The following ZNF777 variants were observed in gnomAD, a reference collection of about 807,000 sequenced individuals.
ZNF777 encodes the protein zinc finger protein 777.
In ZNF777, 7 loss-of-function variants were observed where a neutral mutation model predicts 72.1. That is an observed-to-expected ratio of 0.10 (90% CI 0.06 to 0.18). The LOEUF is 0.18. ZNF777 is among the 10% of genes least tolerant of loss of function. ZNF777 has a pLI of 1.00. For missense variants in ZNF777, 828 were observed against 1,128.6 expected (o/e 0.73, Z 3.82); for synonymous variants, 545 against 483.5 (o/e 1.13, Z -1.67).
chr7:149,442,618 TA>T (rs552079135), intron 4 of ZNF777, among the ~76,000 whole-genome samples: 345 of 125,826 alleles, frequency 2.7e-3, no homozygotes, highest in Admixed American at 2.8e-3. Flanking sequence ...AGACTCTGTC[TA>T]AAAAAAAAAA....
chr7:149,431,746 C>G lies in ZNF777; in HGVS notation c.*30G>C. On this transcript the variant is annotated 3_prime_UTR_variant, in exon 6 of 6. Coordinates refer to ENST00000247930, the MANE Select transcript of ZNF777 (RefSeq NM_015694.3). Reference sequence around the variant, plus strand: ...CCGAGGGGGGGCACGGCCCGCGCACCTGGCCGGGCGGCGGCGGCGGGGCGC... The same window carrying G: ...CCGAGGGGGGGCACGGCCCGCGCACGTGGCCGGGCGGCGGCGGCGGGGCGC... 1.4e-6 allele frequency: 2 copies of G among 1,401,944 alleles called. No homozygotes were observed. The highest frequency in any genetic ancestry group is 9.2e-7 in the Non-Finnish European group (1 of 1,086,192). The allele number at this position is 1,401,944 out of a possible 1,614,324, so 86.8% of individuals were successfully genotyped here.
rs1225852234 is a variant in ZNF777 at position 149,431,922 on chromosome 7, C to T, written c.2350G>A (p.Gly784Ser). ...GERPYHCAEC[G>S]KRFTQKHHLL... is the part of the protein sequence containing the mutation. ...TGATGCTTCTGCGTGAAGCGCTTGC[C>T]GCACTCGGCGCAGTGGTAGGGCCGC... is the stretch of plus-strand genomic sequence containing the variant. Residue 784 changes from glycine to serine, a missense_variant, in exon 6 of 6, where the codon GGC (glycine) becomes AGC (serine). Physicochemically the swap from Gly to Ser is moderately conservative, Grantham distance 56. Coordinates refer to ENST00000247930, the MANE Select transcript of ZNF777 (RefSeq NM_015694.3). The T allele has an allele frequency of 1.2e-6, 2 of 1,609,506 alleles. No homozygotes were observed. The highest frequency in any genetic ancestry group is 3.3e-5 in the Admixed American group (2 of 59,954).
chr7:149,437,160 G>A (rs775062637), intron 4 of ZNF777, among the ~76,000 whole-genome samples: 8 of 152,040 alleles, frequency 5.3e-5, no homozygotes, highest in Non-Finnish European at 8.8e-5. Flanking sequence ...ACCCAGGCTC[G>A]AGTGCTGTGG....
rs1048423730 is a variant in ZNF777, at chr7:149,431,369, T to C, written c.*407A>G. 3 of 367,400 alleles carry C rather than the reference T, an allele frequency of 8.2e-6. No homozygotes were observed. Among genetic ancestry groups the C allele is most frequent in the Non-Finnish European group, 1.6e-5 (3 of 192,536 alleles). 22.8% of individuals were successfully genotyped at this position (367,400 alleles called of 1,614,324 possible). Reference sequence around the variant, plus strand: ...CGGCAAACAGGAAACGCTCTTCTTTTAAAAATTACTCTATTATTATCAAAT... The same window carrying C: ...CGGCAAACAGGAAACGCTCTTCTTTCAAAAATTACTCTATTATTATCAAAT... On this transcript the variant is annotated 3_prime_UTR_variant, in exon 6 of 6. Transcript: ENST00000247930.
At chr7:149,449,371 C>A (rs564847589) in intron 4 of ZNF777, among the ~76,000 whole-genome samples, 1 of 152,136 alleles carries the variant, frequency 6.6e-6, no homozygotes, top group African/African-American at 2.4e-5. Context: ...AGCCCAGGAC[C>A]GAATGGATTT....
At chr7:149,444,666 A>G (rs6976061) in intron 4 of ZNF777, among the ~76,000 whole-genome samples, 62,349 of 152,084 alleles carry the variant, frequency 0.41, 12,879 homozygotes, top group Non-Finnish European at 0.44. Context: ...ATTGAATTAT[A>G]AGTTGGAAAA....
intron 3 of ZNF777, among the ~76,000 whole-genome samples, chr7:149,452,123 G>A (rs1018807326): frequency 6.6e-6 from 1 of 151,376 alleles, no homozygotes; most frequent in Non-Finnish European, 1.5e-5. Flanking sequence ...AAATTAGCTG[G>A]GCACGGTGGT....
chr7:149,434,193 C>T (rs945119983), intron 5 of ZNF777, among the ~76,000 whole-genome samples: 1 of 152,176 alleles, frequency 6.6e-6, no homozygotes, highest in Admixed American at 6.5e-5. Context: ...CAGGTTGGGA[C>T]CCACCTGGTC....
At chr7:149,448,853 A>C (rs564112913) in intron 4 of ZNF777, among the ~76,000 whole-genome samples, 1 of 152,130 alleles carries the variant, frequency 6.6e-6, no homozygotes, top group East Asian at 1.9e-4. Context: ...TGGAGGGTTG[A>C]CATCTGAATC....
At chr7:149,458,502 G>GAACCA (rs1799876963) in intron 1 of ZNF777, among the ~76,000 whole-genome samples, 1 of 149,242 alleles carries the variant, frequency 6.7e-6, no homozygotes, top group African/African-American at 2.5e-5. Context: ...CTGAAACAAT[G>GAACCA]AAACAAAACA....
At chr7:149,439,480 A>C (rs958909655) in intron 4 of ZNF777, among the ~76,000 whole-genome samples, 3 of 152,192 alleles carry the variant, frequency 2.0e-5, no homozygotes, top group African/African-American at 4.8e-5. Flanking sequence ...ATCACCCTTT[A>C]ATGTCACCAA....
chr7:149,458,355 T>C (rs572270360), intron 1 of ZNF777, among the ~76,000 whole-genome samples: 89 of 152,274 alleles, frequency 5.8e-4, no homozygotes, highest in African/African-American at 2.1e-3. Flanking sequence ...GGAAAGTGAC[T>C]GCCTAACGCA....
chr7:149,436,294 CTCTG>C lies in ZNF777; in HGVS notation c.1339+277_1339+280del, dbSNP rs969374104. ...TGTGGCCTTGCCCCATCTATTTAAC[CTCTG>C]TCTGTAAAATGAGGGGTGGGATAGG... On this transcript the variant is annotated intron_variant, in intron 5 of 5. Transcript: ENST00000247930. The surrounding 1 kb of genome is among the most constrained non-coding windows in gnomAD (Gnocchi z 5.0). 3.9e-5 allele frequency among the ~76,000 whole-genome samples: 6 copies of C among 152,118 alleles called. No individual in the cohort carries two copies. The highest frequency in any genetic ancestry group is 6.5e-5 in the Admixed American group (1 of 15,274).
chr7:149,447,328 G>A (rs527689384), intron 4 of ZNF777, among the ~76,000 whole-genome samples: 2 of 152,262 alleles, frequency 1.3e-5, no homozygotes, highest in African/African-American at 4.8e-5. Context: ...CTCAGACCTC[G>A]GTTCTGAACT....
In ZNF777 at chr7:149,455,724, T is replaced by C. The variant is rs759602320; in HGVS notation, c.299A>G (p.Gln100Arg). ...TGGGGGTGGATACTGGGTCCCTTCC[T>C]GGGAAGCCAGGGGGCCCTGGAGAGA... ...ETSLQGPLAS[Q>R]EGTQYPPPAA... The change falls in exon 2 of 6, where the codon CAG (glutamine) becomes CGG (arginine). Residue 100 changes from glutamine to arginine, a missense_variant. By Grantham distance (43) the Gln-to-Arg change is conservative. This residue lies in a region of ZNF777 where 222 missense variants were observed against 211.2 expected (regional missense o/e 1.05). Coordinates refer to ENST00000247930, the MANE Select transcript of ZNF777 (RefSeq NM_015694.3). The surrounding 1 kb of genome is among the most constrained non-coding windows in gnomAD (Gnocchi z 4.2). 1.2e-5 allele frequency: 19 copies of C among 1,579,190 alleles called. No homozygotes were observed. Among genetic ancestry groups the C allele is most frequent in the Non-Finnish European group, 1.6e-5 (19 of 1,162,582 alleles).
chr7:149,437,023 C>G (rs1357276562), intron 4 of ZNF777, among the ~76,000 whole-genome samples, 197 bp from the exon 5 acceptor site: 1 of 152,110 alleles, frequency 6.6e-6, no homozygotes, highest in Non-Finnish European at 1.5e-5. Context: ...CCAATACAAA[C>G]TGTAGTCAAG....
intron 4 of ZNF777, among the ~76,000 whole-genome samples, chr7:149,447,671 TC>T (rs1299697107): frequency 3.3e-5 from 5 of 152,006 alleles, no homozygotes; most frequent in Admixed American, 2.6e-4. Flanking sequence ...TTCCAGACCA[TC>T]CCCCCTGCAG....
At chr7:149,451,585 G>A (rs879295897) in intron 3 of ZNF777, among the ~76,000 whole-genome samples, 11 of 152,028 alleles carry the variant, frequency 7.2e-5, no homozygotes, top group Non-Finnish European at 1.2e-4. Context: ...CCAGCTACTC[G>A]GGAGGCTGAG....
chr7:149,459,078 G>C (rs952658591), intron 1 of ZNF777, among the ~76,000 whole-genome samples: 2 of 152,170 alleles, frequency 1.3e-5, no homozygotes, highest in African/African-American at 4.8e-5. Context: ...GGCCCCGAAG[G>C]CCTGAGCCCA....
Sources: allele counts gnomAD v4.1 joint callset (sites outside exome capture counted in the v4.1 genomes callset), GRCh38; gene constraint gnomAD v4.1.1; regional missense constraint gnomAD v4.1.1; non-coding constraint Gnocchi (gnomAD v3.1); transcripts MANE v1.5; gene names NCBI Gene and HGNC (gene_info 2026-07-23, HGNC 2026-07-21).